Variants in ATG7 observed in about 807,000 individuals in gnomAD.
ATG7 encodes autophagy related 7.
In ATG7, 70 loss-of-function variants were observed where a neutral mutation model predicts 82.4. The ratio of observed to expected loss-of-function variants is 0.85; its 90% CI spans 0.70 to 1.04. The LOEUF (loss-of-function observed/expected upper bound fraction) is 1.04. Ranked by LOEUF, ATG7 falls within the 50% of genes least tolerant of loss-of-function variation. ATG7 has a pLI of 0.00. For synonymous variants in ATG7, 287 were observed against 313.0 expected (o/e 0.92, Z 0.88); for missense variants, 792 against 864.3 (o/e 0.92, Z 1.05).
At chr3:11,275,477 G>A (rs951613334) in intron 1 of ATG7, among the ~76,000 whole-genome samples, 7 of 150,134 alleles carry the variant, frequency 4.7e-5, no homozygotes, top group Non-Finnish European at 8.9e-5. Flanking sequence ...GCCTCCCCAG[G>A]AACTGGGACT....
intron 19 of ATG7, among the ~76,000 whole-genome samples, chr3:11,397,816 C>A: frequency 6.9e-6 from 1 of 145,118 alleles, no homozygotes; most frequent in East Asian, 2.3e-4. Flanking sequence ...GGCGCGGTGG[C>A]TCACACCTGT....
At chr3:11,306,887 C>G in intron 5 of ATG7, 56 bp from the exon 6 acceptor site, 5 of 1,401,500 alleles carry the variant, frequency 3.6e-6, no homozygotes, top group Middle Eastern at 1.8e-4. Context: ...GTTGACTTGT[C>G]TCTCCCTGGC....
intron 20 of ATG7, among the ~76,000 whole-genome samples, chr3:11,471,152 A>G (rs1458586386): frequency 6.6e-6 from 1 of 152,066 alleles, no homozygotes; most frequent in Non-Finnish European, 1.5e-5. Context: ...ACATATGAAT[A>G]TGTTACTCAG....
intron 20 of ATG7, among the ~76,000 whole-genome samples, chr3:11,541,699 C>T (rs1286154065): frequency 6.6e-6 from 1 of 152,216 alleles, no homozygotes; most frequent in African/African-American, 2.4e-5. Context: ...CTGAGCTCTC[C>T]AGTTTTCCTC....
intron 19 of ATG7, among the ~76,000 whole-genome samples, chr3:11,424,415 G>A (rs1288698579): frequency 6.6e-6 from 1 of 151,824 alleles, no homozygotes; most frequent in Non-Finnish European, 1.5e-5. Flanking sequence ...GGAGGTTGAG[G>A]CTGCAGTAAG....
At chr3:11,548,554 C>A (rs2071484175) in intron 20 of ATG7, among the ~76,000 whole-genome samples, 1 of 152,224 alleles carries the variant, frequency 6.6e-6, no homozygotes, top group African/African-American at 2.4e-5. Context: ...AAATTAATTT[C>A]TCCTTTTATC....
chr3:11,299,312 C>A, intron 4 of ATG7, 50 bp from the exon 5 acceptor site: 1 of 1,541,246 alleles, frequency 6.5e-7, no homozygotes, highest in Non-Finnish European at 9.0e-7. Flanking sequence ...TTGTTATGAA[C>A]GCTGCTATTT....
chr3:11,305,862 A>C (rs1459627421), intron 5 of ATG7, among the ~76,000 whole-genome samples: 2 of 152,192 alleles, frequency 1.3e-5, no homozygotes, highest in Admixed American at 1.3e-4. Context: ...CCAATTTTAC[A>C]TGGACTTTAA....
chr3:11,491,336 C>T (rs1240121746), intron 20 of ATG7, among the ~76,000 whole-genome samples: 2 of 152,156 alleles, frequency 1.3e-5, no homozygotes, highest in African/African-American at 4.8e-5. Context: ...CTCCTTTAAG[C>T]ACTTCTCTGT....
intron 20 of ATG7, among the ~76,000 whole-genome samples, chr3:11,534,043 T>C (rs904499324): frequency 6.6e-6 from 1 of 151,670 alleles, no homozygotes; most frequent in African/African-American, 2.4e-5. Flanking sequence ...ACTGTCAGAG[T>C]TGGAAAAGTA....
chr3:11,453,401 TAAG>T (rs1383519019), intron 20 of ATG7, among the ~76,000 whole-genome samples: 2 of 152,186 alleles, frequency 1.3e-5, no homozygotes, highest in Admixed American at 6.5e-5. Flanking sequence ...ATATGCTTGC[TAAG>T]AAGATTATTT....
chr3:11,374,075 A>G (rs781694932), intron 18 of ATG7, among the ~76,000 whole-genome samples: 1 of 152,218 alleles, frequency 6.6e-6, no homozygotes, highest in Non-Finnish European at 1.5e-5. Flanking sequence ...CAAGAAAGAT[A>G]AAAACATTTC....
At position 11,540,910 on chromosome 3, in the gene ATG7, G is replaced by T. The variant is rs866420689; in HGVS notation, c.2080-13901G>T. On this transcript the variant is annotated intron_variant, in intron 20 of 20. Transcript: ENST00000693202. ...AATTTATAGTTTTAGCTTTTTTTGG[G>T]GGGGGGAGGGGGGGAGTCTTGCTCT... 2.2e-3 allele frequency among the ~76,000 whole-genome samples: 266 copies of T among 123,370 alleles called. 1 individual carries two copies. The highest frequency in any genetic ancestry group is 7.3e-3 in the African/African-American group (253 of 34,858). 80.9% of individuals were successfully genotyped at this position (123,370 alleles called of 152,430 possible).
chr3:11,342,060 T>C, intron 12 of ATG7, 75 bp from the exon 13 acceptor site: 1 of 1,443,678 alleles, frequency 6.9e-7, no homozygotes, highest in South Asian at 1.4e-5. Flanking sequence ...TTTTCTTGCA[T>C]AGCCACTTGA....
At chr3:11,356,874 A>G (rs2075970341) in intron 14 of ATG7, among the ~76,000 whole-genome samples, 2 of 152,300 alleles carry the variant, frequency 1.3e-5, no homozygotes, top group South Asian at 4.1e-4. Flanking sequence ...TGCTAGTCTC[A>G]TTATTAAAAT....
intron 20 of ATG7, chr3:11,477,034 T>C: frequency 8.5e-7 from 1 of 1,177,896 alleles, no homozygotes. Flanking sequence ...TAAATGATTG[T>C]TATGCACAAT....
chr3:11,518,284 C>G (rs770272874), intron 20 of ATG7, among the ~76,000 whole-genome samples: 1 of 152,152 alleles, frequency 6.6e-6, no homozygotes, highest in Non-Finnish European at 1.5e-5. Context: ...CAGTGGCTCA[C>G]GCCTGTAATC....
At chr3:11,324,772 A>G (rs1370515683) in intron 9 of ATG7, among the ~76,000 whole-genome samples, 1 of 152,200 alleles carries the variant, frequency 6.6e-6, no homozygotes, top group Non-Finnish European at 1.5e-5. Context: ...TTTAGATATC[A>G]TTTAGTTCCA....
chr3:11,295,792 T>C (rs12488936), intron 3 of ATG7, among the ~76,000 whole-genome samples: 28,424 of 144,832 alleles, frequency 0.2, 2,949 homozygotes, highest in South Asian at 0.34. Context: ...TTCTTTCTTT[T>C]TTTTTTTTTT....
Sources: allele counts gnomAD v4.1 joint callset (sites outside exome capture counted in the v4.1 genomes callset), GRCh38; gene constraint gnomAD v4.1.1; transcripts MANE v1.5; gene names NCBI Gene and HGNC (gene_info 2026-07-23, HGNC 2026-07-21).